Variants in PLCE1 observed in about 807,000 individuals in gnomAD.
PLCE1 encodes phospholipase C epsilon 1.
Under a neutral mutation model 242.8 loss-of-function variants are expected in PLCE1, and 119 were observed. The ratio of observed to expected loss-of-function variants is 0.49; its 90% CI spans 0.42 to 0.57. The LOEUF is 0.57. Among genes scored for constraint, PLCE1 ranks in the 20% least tolerant of loss-of-function variants. PLCE1 has a pLI of 0.00. For missense variants in PLCE1, 2,441 were observed against 2,788.8 expected, an observed-to-expected ratio of 0.88 and a Z score of 2.81; for synonymous variants, 945 against 1,017.4, an observed-to-expected ratio of 0.93 and a Z score of 1.35.
At position 94,098,764 on chromosome 10, in the gene PLCE1, G is replaced by A. The variant is rs757293833; in HGVS notation, c.1207-33410G>A. 4.6e-5 allele frequency among the ~76,000 whole-genome samples: 7 copies of A among 152,148 alleles called. No homozygotes were observed. The South Asian group carries it at 8.3e-4, about 18-fold the overall frequency. On this transcript the variant is annotated intron_variant, in intron 2 of 32. Coordinates refer to ENST00000371380, the MANE Select transcript of PLCE1 (RefSeq NM_016341.4). ...TTTGGAACACCTTGAGTTACTGTTT[G>A]AGGCTTACTTCTTACGAATACAACA...
chr10:94,214,931 C>T (rs78465214), intron 4 of PLCE1, among the ~76,000 whole-genome samples: 496 of 152,262 alleles, frequency 3.3e-3, no homozygotes, highest in African/African-American at 0.011. Context: ...AGGGTACTTG[C>T]GTAAGCTATG....
Position 94,071,500 on chromosome 10 carries a change from T to TTTTTTTTTTTTTTGTTTTTTTG in PLCE1, c.1206+39261_1206+39262insGTTTTTTTGTTTTTTTTTTTTT, listed in dbSNP as rs1564662923. Among the ~76,000 whole-genome samples, 5 of 130,804 alleles carry TTTTTTTTTTTTTTGTTTTTTTG rather than the reference T, an allele frequency of 3.8e-5. 1 individual carries two copies. Among genetic ancestry groups the TTTTTTTTTTTTTTGTTTTTTTG allele is most frequent in the African/African-American group, 1.6e-4 (5 of 31,060 alleles). The allele number at this position is 130,804 out of a possible 152,430, so 85.8% of individuals were successfully genotyped here. A position where few individuals can be genotyped will look rare whatever the true frequency, so the allele number is the denominator to read the frequency against. ...TGTGTGTGTGTTTGGTTTTCGTTTT[T>TTTTTTTTTTTTTTGTTTTTTTG]TTTTTTTTTTTTTTTTGAGTCACTC... On this transcript the variant is annotated intron_variant, in intron 2 of 32. Coordinates refer to ENST00000371380, the MANE Select transcript of PLCE1 (RefSeq NM_016341.4).
chr10:94,010,160 A>C (rs74151968), intron 1 of PLCE1, among the ~76,000 whole-genome samples: 1 of 152,200 alleles, frequency 6.6e-6, no homozygotes, highest in Non-Finnish European at 1.5e-5. Flanking sequence ...GTGCACCTGC[A>C]CACTTAACAC....
intron 1 of PLCE1, among the ~76,000 whole-genome samples, chr10:93,995,543 A>G (rs1280755145): frequency 6.6e-6 from 1 of 152,258 alleles, no homozygotes; most frequent in East Asian, 1.9e-4. Flanking sequence ...GCTTGCACCT[A>G]GAAGACTCTA....
intron 1 of PLCE1, among the ~76,000 whole-genome samples, chr10:94,027,820 A>AAAAT (rs5787098): frequency 0.086 from 12,876 of 149,334 alleles, 715 homozygotes; most frequent in Non-Finnish European, 0.12. Flanking sequence ...ACTCCATCTC[A>AAAAT]AAATAAATAA....
rs557475360 is a variant in PLCE1, at chr10:94,036,213, G to C, written c.1206+3961G>C. 3.7e-4 allele frequency among the ~76,000 whole-genome samples: 56 copies of C among 152,296 alleles called. 1 individual carries two copies. The highest frequency in any genetic ancestry group is 1.3e-3 in the African/African-American group (53 of 41,566). On this transcript the variant is annotated intron_variant, in intron 2 of 32. Coordinates refer to ENST00000371380, the MANE Select transcript of PLCE1 (RefSeq NM_016341.4). ...ACCCACCACACAGTTCTAGCAAGGAGTGAGTGCTGCTCTGCTCACTCTGGC... is the reference window on the plus strand; with the variant it reads ...ACCCACCACACAGTTCTAGCAAGGACTGAGTGCTGCTCTGCTCACTCTGGC...
chr10:94,031,874 A>G lies in PLCE1; in HGVS notation c.828A>G (p.Val276=), dbSNP rs753273556. Residue 276 remains valine (V), a synonymous_variant, in exon 2 of 33, where the codon GTA becomes GTG. Transcript: ENST00000371380. ...GCTCTTGTGAGAAGGTTGACATGGT[A>G]TATTCAGGTGATAGCTTTTGTAGGA... ...FEGSCEKVDM[V]YSGDSFCRKD... is the part of the protein sequence containing the mutation. 1 of 1,613,916 alleles carries G rather than the reference A, an allele frequency of 6.2e-7. No homozygotes were observed. The highest frequency in any genetic ancestry group is 2.2e-5 in the East Asian group (1 of 44,864).
At chr10:94,188,562 G>A (rs894386714) in intron 4 of PLCE1, among the ~76,000 whole-genome samples, 5 of 152,106 alleles carry the variant, frequency 3.3e-5, no homozygotes, top group Admixed American at 6.6e-5. Context: ...CACTCCTGCA[G>A]CCTGCATAGC....
chr10:94,289,836 C>T (rs1288282868), intron 22 of PLCE1, among the ~76,000 whole-genome samples: 1 of 152,102 alleles, frequency 6.6e-6, no homozygotes, highest in African/African-American at 2.4e-5. Flanking sequence ...ACTTTATAAA[C>T]ACTGTACACT....
At chr10:94,021,851 A>G (rs1402447954) in intron 1 of PLCE1, among the ~76,000 whole-genome samples, 3 of 152,142 alleles carry the variant, frequency 2.0e-5, no homozygotes, top group Non-Finnish European at 4.4e-5. Context: ...AACATTGGAA[A>G]ATCCTTATTT....
intron 5 of PLCE1, among the ~76,000 whole-genome samples, chr10:94,230,162 C>T (rs1449040479): frequency 6.6e-6 from 1 of 151,914 alleles, no homozygotes; most frequent in African/African-American, 2.4e-5. Context: ...TCTCTTAAGC[C>T]ACTAGTAAGA....
At chr10:94,244,311 G>A (rs2050604355) in intron 7 of PLCE1, among the ~76,000 whole-genome samples, 1 of 152,148 alleles carries the variant, frequency 6.6e-6, no homozygotes, top group Non-Finnish European at 1.5e-5. Flanking sequence ...TCCCAGAGAC[G>A]CGTGGACCAG....
At chr10:94,104,507 G>A (rs2045655201) in intron 2 of PLCE1, 1 of 152,208 alleles carries the variant, frequency 6.6e-6, no homozygotes, top group Non-Finnish European at 1.5e-5. Flanking sequence ...AAATGAGTCA[G>A]AGCCTGTTTA....
intron 2 of PLCE1, among the ~76,000 whole-genome samples, chr10:94,109,852 G>GTT (rs558058616): frequency 1.5e-5 from 2 of 137,492 alleles, no homozygotes; most frequent in Non-Finnish European, 3.2e-5. Flanking sequence ...GCTCTGGGAT[G>GTT]TTTTTTTTTT....
intron 14 of PLCE1, among the ~76,000 whole-genome samples, chr10:94,264,815 T>G (rs755461843): frequency 1.1e-4 from 17 of 152,096 alleles, no homozygotes; most frequent in Admixed American, 1.3e-4. Context: ...CCACCGCGCC[T>G]GGCTGATTTA....
At chr10:94,103,002 G>T (rs1012413500) in intron 2 of PLCE1, among the ~76,000 whole-genome samples, 3 of 152,194 alleles carry the variant, frequency 2.0e-5, no homozygotes, top group African/African-American at 7.2e-5. Context: ...TTTTAAAAGA[G>T]TTCTTGCTGG....
chr10:94,312,815 G>A (rs912333628), intron 27 of PLCE1, among the ~76,000 whole-genome samples: 2 of 152,040 alleles, frequency 1.3e-5, no homozygotes, highest in Admixed American at 6.6e-5. Flanking sequence ...CACACTTACC[G>A]ACCTCTTTCT....
At chr10:94,038,253 G>C (rs572362023) in intron 2 of PLCE1, among the ~76,000 whole-genome samples, 10 of 152,176 alleles carry the variant, frequency 6.6e-5, no homozygotes, top group South Asian at 2.1e-4. Context: ...AAGCATCAGT[G>C]GGGGGAGGTG....
intron 2 of PLCE1, among the ~76,000 whole-genome samples, chr10:94,122,393 G>C (rs2046324837): frequency 6.6e-6 from 1 of 152,116 alleles, no homozygotes; most frequent in African/African-American, 2.4e-5. Flanking sequence ...GGCTCCCTTG[G>C]CAGCCAGGTT....
Sources: gnomAD v4.1 joint callset for allele counts (sites outside exome capture counted in the v4.1 genomes callset) on GRCh38, gnomAD v4.1.1 for gene constraint, MANE v1.5 for transcripts, NCBI Gene and HGNC (gene_info 2026-07-23, HGNC 2026-07-21) for gene names.